STK32A: variants seen among roughly 807,000 people sequenced by gnomAD.
STK32A encodes serine/threonine-protein kinase 32A.
In STK32A, 41 loss-of-function variants were observed where a neutral mutation model predicts 53.2. The observed-to-expected ratio is 0.77, with a 90% CI of 0.60 to 1.00. The LOEUF is 1.00. STK32A is among the 50% of genes least tolerant of loss of function. STK32A has a pLI of 0.00. For missense variants in STK32A, 458 were observed against 485.8 expected (o/e 0.94, Z 0.54); for synonymous variants, 166 against 162.8 (o/e 1.02, Z -0.15).
chr5:147,283,121 G>A (rs544973832), intron 4 of STK32A, among the ~76,000 whole-genome samples: 1 of 152,118 alleles, frequency 6.6e-6, no homozygotes, highest in South Asian at 2.1e-4. Flanking sequence ...GAATAAAACT[G>A]GAAATGAACT....
chr5:147,347,559 G>A (rs140309540), intron 6 of STK32A, among the ~76,000 whole-genome samples: 2 of 152,124 alleles, frequency 1.3e-5, no homozygotes, highest in Non-Finnish European at 2.9e-5. Flanking sequence ...ATGCTAGCAT[G>A]CATCCTGCAA....
At chr5:147,318,110 T>TTATATCCTTTTTAAA (rs996902178) in intron 4 of STK32A, among the ~76,000 whole-genome samples, 1 of 152,206 alleles carries the variant, frequency 6.6e-6, no homozygotes, top group African/African-American at 2.4e-5. Flanking sequence ...GTTTGTGTGT[T>TTATATCCTTTTTAAA]TATATCCTTT....
At chr5:147,242,083 A>C (rs1283284176) in intron 2 of STK32A, among the ~76,000 whole-genome samples, 1 of 152,144 alleles carries the variant, frequency 6.6e-6, no homozygotes, top group African/African-American at 2.4e-5. Context: ...GTTGAAGGAG[A>C]GTTAGGCTTA....
At chr5:147,289,984 G>A (rs936113414) in intron 4 of STK32A, among the ~76,000 whole-genome samples, 1 of 151,960 alleles carries the variant, frequency 6.6e-6, no homozygotes, top group Non-Finnish European at 1.5e-5. Flanking sequence ...TTAGTATATG[G>A]CCCAAATATC....
At chr5:147,395,544 G>A in the STK32A span, 6 of 1,603,086 alleles carry the variant, frequency 3.7e-6, no homozygotes, top group African/African-American at 8.0e-5. Context: ...CTTTTGATGA[G>A]CCTGTCCCAC....
chr5:147,380,841 G>C (rs1757423796), intron 11 of STK32A, among the ~76,000 whole-genome samples: 1 of 152,188 alleles, frequency 6.6e-6, no homozygotes, highest in Admixed American at 6.5e-5. Flanking sequence ...ACAAAATCCA[G>C]GTAGAACCTC....
intron 4 of STK32A, among the ~76,000 whole-genome samples, chr5:147,311,583 A>T (rs11959366): frequency 0.21 from 31,716 of 152,026 alleles, 3,463 homozygotes; most frequent in Middle Eastern, 0.24. Context: ...TTTTGTTTTT[A>T]AGAGACAGAG....
chr5:147,289,204 A>C (rs1473667576), intron 4 of STK32A, among the ~76,000 whole-genome samples: 1 of 152,106 alleles, frequency 6.6e-6, no homozygotes, highest in Non-Finnish European at 1.5e-5. Context: ...AACAAACATC[A>C]AGACTCCCCA....
intron 8 of STK32A, among the ~76,000 whole-genome samples, chr5:147,365,016 T>C (rs1756682583): frequency 6.6e-6 from 1 of 152,212 alleles, no homozygotes; most frequent in East Asian, 1.9e-4. Flanking sequence ...CAAGTCATCA[T>C]CCAGATACTG....
At chr5:147,267,944 A>G (rs539835036) in intron 2 of STK32A, among the ~76,000 whole-genome samples, 3 of 152,306 alleles carry the variant, frequency 2.0e-5, no homozygotes, top group South Asian at 4.1e-4. Flanking sequence ...TAGAACTCCT[A>G]TAAACATCTG....
chr5:147,372,723 A>C (rs1757053376), intron 9 of STK32A, among the ~76,000 whole-genome samples: 1 of 152,188 alleles, frequency 6.6e-6, no homozygotes, highest in African/African-American at 2.4e-5. Context: ...AGTTGTAAAA[A>C]CAGCTACAAT....
At chr5:147,277,878 A>G (rs929904300) in intron 2 of STK32A, among the ~76,000 whole-genome samples, 1 of 152,152 alleles carries the variant, frequency 6.6e-6, no homozygotes, top group Non-Finnish European at 1.5e-5. Context: ...TCACTTGACT[A>G]CAGACTCCAT....
chr5:147,283,433 A>C (rs1251784022), intron 4 of STK32A, among the ~76,000 whole-genome samples: 1 of 151,810 alleles, frequency 6.6e-6, no homozygotes, highest in Non-Finnish European at 1.5e-5. Flanking sequence ...AAGAAAGGAA[A>C]TAACCAAGAT....
intron 2 of STK32A, among the ~76,000 whole-genome samples, chr5:147,253,536 G>A (rs972872552): frequency 6.6e-6 from 1 of 152,054 alleles, no homozygotes; most frequent in Non-Finnish European, 1.5e-5. Flanking sequence ...CATTTTTTTG[G>A]TAGAGATGGG....
intron 7 of STK32A, among the ~76,000 whole-genome samples, chr5:147,355,503 C>G (rs973037033): frequency 5.1e-5 from 6 of 116,596 alleles, no homozygotes; most frequent in African/African-American, 2.3e-4. Flanking sequence ...GAAACCCCGT[C>G]TCTACTAAAA....
chr5:147,367,039 A>G (rs1756780751), intron 8 of STK32A, among the ~76,000 whole-genome samples: 1 of 151,968 alleles, frequency 6.6e-6, no homozygotes, highest in Non-Finnish European at 1.5e-5. Context: ...TATGTATCTT[A>G]TATAGGTTAG....
intron 5 of STK32A, among the ~76,000 whole-genome samples, chr5:147,336,059 GGATA>G (rs1755104002): frequency 6.6e-6 from 1 of 152,118 alleles, no homozygotes; most frequent in Non-Finnish European, 1.5e-5. Context: ...CCCTGGGGTT[GGATA>G]GGACCATTTG....
chr5:147,341,648 G>T (rs769143932), intron 5 of STK32A, among the ~76,000 whole-genome samples: 1 of 151,870 alleles, frequency 6.6e-6, no homozygotes, highest in Non-Finnish European at 1.5e-5. Context: ...TGCCTGGCAA[G>T]AATTTTTTTT....
At chr5:147,348,271 T>TA (rs1247526899) in intron 6 of STK32A, among the ~76,000 whole-genome samples, 2 of 152,266 alleles carry the variant, frequency 1.3e-5, no homozygotes, top group Admixed American at 6.5e-5. Context: ...AAAAGGAAAA[T>TA]ACTCAACATT....
Sources: gnomAD v4.1 joint callset for allele counts (sites outside exome capture counted in the v4.1 genomes callset) on GRCh38, gnomAD v4.1.1 for gene constraint, MANE v1.5 for transcripts, NCBI Gene and HGNC (gene_info 2026-07-23, HGNC 2026-07-21) for gene names.